MVB12A: variants seen among roughly 807,000 people sequenced by gnomAD.
MVB12A encodes multivesicular body subunit 12A, also known as CIN85/CD2AP family binding protein.
In MVB12A, 30 loss-of-function variants were observed where a neutral mutation model predicts 34.3. The observed-to-expected ratio is 0.88, with a 90% CI of 0.65 to 1.19. The LOEUF is 1.19. Among genes scored for constraint, MVB12A ranks in the 50% most tolerant of loss-of-function variants. MVB12A has a pLI of 0.00. For synonymous variants in MVB12A, 158 were observed against 158.9 expected, an observed-to-expected ratio of 0.99 and a Z score of 0.04; for missense variants, 355 against 369.2, an observed-to-expected ratio of 0.96 and a Z score of 0.31.
At chr19:17,419,924 C>T (rs1335528185), upstream of MVB12A, 6 of 399,942 alleles carry the variant, frequency 1.5e-5, no homozygotes, top group Admixed American at 2.7e-4. Context: ...GCGCGCAACC[C>T]TGGCGACGCG....
rs2074844829 is a variant in MVB12A, at chr19:17,422,508, T to C, written c.413+50T>C. On this transcript the variant is annotated intron_variant, in intron 4 of 8. Transcript: ENST00000317040. Reference sequence around the variant, plus strand: ...CCACCTTCCCTGCCCTCCCAACTCATGATCTCACCAATCTGACCCTCAAGG... The same window carrying C: ...CCACCTTCCCTGCCCTCCCAACTCACGATCTCACCAATCTGACCCTCAAGG... 3 of 1,554,242 alleles carry C rather than the reference T, an allele frequency of 1.9e-6. No homozygotes were observed. In the Admixed American group the frequency reaches 5.5e-5, roughly 28 times the overall value.
rs1169786351 is a variant in MVB12A at position 17,423,685 on chromosome 19, A to C, written c.534-8A>C. 2 of 1,613,238 alleles carry C rather than the reference A, an allele frequency of 1.2e-6. No individual in the cohort carries two copies. The highest frequency in any genetic ancestry group is 1.7e-6 in the Non-Finnish European group (2 of 1,179,732). On this transcript the variant is annotated splice_polypyrimidine_tract_variant and splice_region_variant and intron_variant, in intron 5 of 8. Transcript: ENST00000317040. ...GATGAGGCTTAACCTGAGTCATCCCACCTCCAGTAAGGGCGGCCTCCTGGA... is the reference window on the plus strand; with the variant it reads ...GATGAGGCTTAACCTGAGTCATCCCCCCTCCAGTAAGGGCGGCCTCCTGGA...
At chr19:17,410,028 A>G (rs1483303109) in intron 2 of MVB12A, among the ~76,000 whole-genome samples, 1 of 152,064 alleles carries the variant, frequency 6.6e-6, no homozygotes, top group African/African-American at 2.4e-5. Flanking sequence ...AAGTACTGCG[A>G]TTACAGCCAT....
At position 17,425,026 on chromosome 19, in the gene MVB12A, C is replaced by G; in HGVS notation, c.*33C>G. 7.2e-7 allele frequency: 1 copy of G among 1,380,660 alleles called. No individual in the cohort carries two copies. Among genetic ancestry groups the G allele is most frequent in the Non-Finnish European group, 1.0e-6 (1 of 987,708 alleles). The allele number at this position is 1,380,660 out of a possible 1,614,324, so 85.5% of individuals were successfully genotyped here. A position where few individuals can be genotyped will look rare whatever the true frequency, so the allele number is the denominator to read the frequency against. On this transcript the variant is annotated 3_prime_UTR_variant, in exon 9 of 9. Transcript: ENST00000317040. ...CCCTTCCGCGGAAAGAGCCCCCTTA[C>G]TCCACCTCCCCGCCAGCCTGGGGCC...
In MVB12A at chr19:17,412,961, G is replaced by T. The variant is rs142938707; in HGVS notation, c.-5+6665G>T. 3 of 152,218 alleles carry T rather than the reference G, an allele frequency of 2.0e-5. No individual in the cohort carries two copies. In the East Asian group the frequency reaches 5.8e-4, roughly 29 times the overall value. The allele number at this position is 152,218 out of a possible 1,614,324, so 9.4% of individuals were successfully genotyped here. A position where few individuals can be genotyped will look rare whatever the true frequency, so the allele number is the denominator to read the frequency against. Reference sequence around the variant, plus strand: ...GGTCACATAGAGCTTGTAAACCTAAGGTTACGTATCTTTGTTTACGGGAGG... The same window carrying T: ...GGTCACATAGAGCTTGTAAACCTAATGTTACGTATCTTTGTTTACGGGAGG... On this transcript the variant is annotated intron_variant, in intron 2 of 6. Transcript: ENST00000528604.
intron 2 of MVB12A, among the ~76,000 whole-genome samples, chr19:17,410,085 T>C (rs1183207884): frequency 1.3e-5 from 2 of 152,116 alleles, no homozygotes; most frequent in African/African-American, 4.8e-5. Flanking sequence ...CATTAATTAA[T>C]TATGCTTACT....
At chr19:17,420,014 C>CGGG, upstream of MVB12A, 2 of 354,146 alleles carry the variant, frequency 5.6e-6, no homozygotes, top group Non-Finnish European at 8.2e-6. Flanking sequence ...GGGCAATCTC[C>CGGG]GCCCCCCCCC....
rs779096511 is a variant in MVB12A at position 17,420,440 on chromosome 19, AG to A, written c.189+32del. 13 of 1,609,176 alleles carry A rather than the reference AG, an allele frequency of 8.1e-6. No individual in the cohort carries two copies. In the African/African-American group the frequency reaches 1.6e-4, roughly 20 times the overall value. ...AGAGGTGCCCACCTTCGGAACCACC[AG>A]GGTCTGCCCACCTCCCCTGCCCATT... is the stretch of plus-strand genomic sequence containing the variant. On this transcript the variant is annotated intron_variant, in intron 2 of 8. Transcript: ENST00000317040.
At chr19:17,422,033 G>A (rs1235669334) in intron 3 of MVB12A, 6 of 248,762 alleles carry the variant, frequency 2.4e-5, no homozygotes, top group Non-Finnish European at 3.1e-5. Flanking sequence ...CTCATGGAAA[G>A]TAAGTTTTGA....
intron 7 of MVB12A, 29 bp from the exon 8 acceptor site, chr19:17,424,592 C>T (rs1568392748): frequency 6.2e-7 from 1 of 1,606,256 alleles, no homozygotes; most frequent in Non-Finnish European, 8.5e-7. Flanking sequence ...TGAGATCGGG[C>T]CCAAGGCTGA....
chr19:17,410,975 T>G (rs1262235746), intron 2 of MVB12A, among the ~76,000 whole-genome samples: 2 of 149,502 alleles, frequency 1.3e-5, no homozygotes, highest in African/African-American at 4.9e-5. Flanking sequence ...TTTATTTTAT[T>G]TATTTATTTT....
In MVB12A at chr19:17,424,817, G is replaced by A. The variant is rs542688848; in HGVS notation, c.760-114G>A. 24 of 1,306,548 alleles carry A rather than the reference G, an allele frequency of 1.8e-5. No homozygotes were observed. In the African/African-American group the frequency reaches 3.2e-4, roughly 17 times the overall value. The allele number at this position is 1,306,548 out of a possible 1,614,324, so 80.9% of individuals were successfully genotyped here. Reference sequence around the variant, plus strand: ...GCCCCAGACACACACCATCTCTCCAGGGCAGAAGACCACTCAAGTCCCTAA... The same window carrying A: ...GCCCCAGACACACACCATCTCTCCAAGGCAGAAGACCACTCAAGTCCCTAA... On this transcript the variant is annotated intron_variant, in intron 8 of 8. Coordinates refer to ENST00000317040, the MANE Select transcript of MVB12A (RefSeq NM_138401.4).
chr19:17,421,185 T>TC, intron 3 of MVB12A: 2 of 392,522 alleles, frequency 5.1e-6, no homozygotes, highest in South Asian at 3.6e-5. Flanking sequence ...GCAAACCTTT[T>TC]TTTTTTTTTT....
At chr19:17,416,090 C>T (rs569363309), upstream of MVB12A, among the ~76,000 whole-genome samples, 73 of 152,124 alleles carry the variant, frequency 4.8e-4, 1 homozygote, top group Non-Finnish European at 1.0e-3. Flanking sequence ...AACTCAACCA[C>T]TTATTTTTTT....
In MVB12A at chr19:17,423,615, A is replaced by C; in HGVS notation, c.531A>C (p.Pro177=). Residue 177 remains proline (P), a splice_region_variant and synonymous_variant, in exon 5 of 9, where the codon CCA becomes CCC. Transcript: ENST00000317040. ...QGLSLDAASQ[P]SKGGLLERTA... ...TCTCTCTGGATGCAGCCAGCCAGCC[A>C]AGGTGAGTCCTCAGGCACCGGAGTG... 6.2e-7 allele frequency: 1 copy of C among 1,614,052 alleles called. No individual in the cohort carries two copies. The highest frequency in any genetic ancestry group is 2.2e-5 in the East Asian group (1 of 44,888).
intron 2 of MVB12A, among the ~76,000 whole-genome samples, chr19:17,407,684 G>A (rs149819015): frequency 0.015 from 2,250 of 152,322 alleles, 69 homozygotes; most frequent in African/African-American, 0.05. Flanking sequence ...GACTAGGAGC[G>A]TGACCACTGA....
intron 2 of MVB12A, among the ~76,000 whole-genome samples, chr19:17,412,016 G>C (rs550647647): frequency 6.6e-6 from 1 of 152,284 alleles, no homozygotes; most frequent in South Asian, 2.1e-4. Flanking sequence ...TTGTCACCGC[G>C]GGGGCTGGGA....
chr19:17,424,066 T>A lies in MVB12A; in HGVS notation c.701T>A (p.Leu234Gln), dbSNP rs747300971. The part of the protein sequence containing the change: ...PRFEGKSCSP[L>Q]AFSAFGDLTI... ...TTTGAGGGCAAGAGCTGCAGCCCCC[T>A]GGTGAGTCGGGGTCTCAGGGAGCCT... The change falls in exon 7 of 9, where the codon CTG becomes CAG. Residue 234 changes from leucine to glutamine, a missense_variant and splice_region_variant. Coordinates refer to ENST00000317040, the MANE Select transcript of MVB12A (RefSeq NM_138401.4). The A allele has an allele frequency of 1.5e-5, 24 of 1,613,946 alleles. No individual in the cohort carries two copies. The South Asian group carries it at 2.4e-4, about 16-fold the overall frequency.
chr19:17,415,077 G>A (rs1163360464), upstream of MVB12A: 2 of 151,288 alleles, frequency 1.3e-5, no homozygotes, highest in African/African-American at 2.4e-5. Context: ...TAATCCCAGT[G>A]GAGGCTGAGA....
Sources: gnomAD v4.1 joint callset for allele counts (sites outside exome capture counted in the v4.1 genomes callset) on GRCh38, gnomAD v4.1.1 for gene constraint, MANE v1.5 for transcripts, NCBI Gene and HGNC (gene_info 2026-07-23, HGNC 2026-07-21) for gene names.